The following BCOR variants were observed in gnomAD, a reference collection of about 807,000 sequenced individuals.
BCOR encodes the protein BCL-6 corepressor.
A neutral mutation model predicts 86.7 loss-of-function variants in BCOR; 10 were observed. The ratio of observed to expected loss-of-function variants is 0.12; its 90% confidence interval spans 0.07 to 0.20. The LOEUF (loss-of-function observed/expected upper bound fraction) is 0.20. Ranked by LOEUF, BCOR falls within the 10% of genes least tolerant of loss-of-function variation. The pLI, the probability that BCOR is intolerant of heterozygous loss-of-function variation, is 1.00. For synonymous variants in BCOR, 611 were observed against 609.0 expected, an observed-to-expected ratio of 1.00 and a Z score of -0.05; for missense variants, 1,259 against 1,452.1, an observed-to-expected ratio of 0.87 and a Z score of 2.16.
At chrX:40,087,968 T>C (rs905122958) in intron 1 of BCOR, among the ~76,000 whole-genome samples, 8 of 112,514 alleles carry the variant, frequency 7.1e-5, no homozygotes, top group Non-Finnish European at 1.1e-4. Context: ...ATTTATTCTT[T>C]CCTAAATGAC....
chrX:40,115,596 C>T (rs939166078), intron 1 of BCOR, among the ~76,000 whole-genome samples: 1 of 109,791 alleles, frequency 9.1e-6, no homozygotes, highest in Non-Finnish European at 1.9e-5. Context: ...GCCAACATGG[C>T]GTAAACCTCG....
chrX:40,161,510 T>G (rs1938421845), intron 1 of BCOR, among the ~76,000 whole-genome samples: 1 of 84,328 alleles, frequency 1.2e-5, no homozygotes, highest in South Asian at 6.2e-4. Context: ...TCTCCCCTTT[T>G]TTTTTTTTTT....
At chrX:40,154,509 G>A (rs1360526175) in intron 1 of BCOR, among the ~76,000 whole-genome samples, 1 of 110,212 alleles carries the variant, frequency 9.1e-6, no homozygotes, top group African/African-American at 3.3e-5. Context: ...GATCTCTCCC[G>A]AGAGAGGGAG....
intron 1 of BCOR, among the ~76,000 whole-genome samples, chrX:40,146,948 C>A (rs1278995910): frequency 1.8e-5 from 2 of 112,232 alleles, no homozygotes; most frequent in African/African-American, 6.5e-5. Flanking sequence ...GGAGTTGGAC[C>A]GTGTTTCCGC....
intron 1 of BCOR, among the ~76,000 whole-genome samples, chrX:40,115,740 G>A (rs1937383420): frequency 9.4e-6 from 1 of 106,265 alleles, no homozygotes; most frequent in African/African-American, 3.5e-5. Context: ...TCGCACCACT[G>A]CACTCCAGCC....
intron 1 of BCOR, among the ~76,000 whole-genome samples, chrX:40,117,282 G>A (rs1937410794): frequency 9.0e-6 from 1 of 111,105 alleles, no homozygotes; most frequent in South Asian, 3.8e-4. Context: ...GATCGCACTG[G>A]GCCATTCCTG....
chrX:40,079,188 G>C (rs934483720), intron 1 of BCOR, among the ~76,000 whole-genome samples: 6 of 111,661 alleles, frequency 5.4e-5, no homozygotes, highest in Middle Eastern at 4.7e-3. Context: ...ATCATCAGGG[G>C]AACTTTTTTC....
intron 1 of BCOR, among the ~76,000 whole-genome samples, chrX:40,136,495 C>T (rs193083567): frequency 5.4e-4 from 60 of 112,096 alleles, no homozygotes; most frequent in African/African-American, 1.7e-3. Context: ...CATAAAAGAA[C>T]ATTCCATCTC....
At chrX:40,087,831 T>G in intron 1 of BCOR, among the ~76,000 whole-genome samples, 1 of 112,252 alleles carries the variant, frequency 8.9e-6, no homozygotes, top group Non-Finnish European at 1.9e-5. Context: ...AATAAAATAA[T>G]AAATACAAAG....
intron 1 of BCOR, among the ~76,000 whole-genome samples, chrX:40,094,252 C>G (rs571478941): frequency 3.6e-4 from 41 of 112,548 alleles, no homozygotes; most frequent in South Asian, 1.8e-3. Flanking sequence ...GCCTCCCCCC[C>G]CTCCAGTCCT....
At chrX:40,153,280 G>A (rs1938302488) in intron 1 of BCOR, among the ~76,000 whole-genome samples, 2 of 112,778 alleles carry the variant, frequency 1.8e-5, no homozygotes, top group South Asian at 7.2e-4. Flanking sequence ...ACCTTGGGGT[G>A]CGCGAGGAAG....
At chrX:40,091,695 G>A (rs1936619561) in intron 1 of BCOR, among the ~76,000 whole-genome samples, 1 of 113,554 alleles carries the variant, frequency 8.8e-6, no homozygotes, top group Non-Finnish European at 1.9e-5. Flanking sequence ...AAGTGCGCGC[G>A]ACGAACGCGG....
At chrX:40,123,388 T>A (rs1400924104) in intron 1 of BCOR, among the ~76,000 whole-genome samples, 3 of 109,665 alleles carry the variant, frequency 2.7e-5, no homozygotes, top group Admixed American at 9.8e-5. Context: ...GTTTCACTCT[T>A]GTCACCCAGA....
rs767541422 is a variant in BCOR, at chrX:40,072,518, C to T, written c.2828G>A (p.Gly943Glu). ...VDVTPTYTKD[G>E]ADEAESNDGK... ...ATCATTTGATTCAGCCTCATCAGCT[C>T]CATCTTTGGTATAGGTGGGGGTCAC... The change falls in exon 4 of 15, where the codon GGA (glycine) becomes GAA (glutamate). Residue 943 changes from glycine (G) to glutamate (E), a missense_variant. Gly to Glu is a moderately conservative substitution (Grantham distance 98). Transcript: ENST00000378444. 12 of 1,210,451 alleles carry T rather than the reference C, an allele frequency of 9.9e-6. No individual in the cohort carries two copies.
chrX:40,149,046 C>G (rs1474650979), intron 1 of BCOR, among the ~76,000 whole-genome samples: 1 of 110,328 alleles, frequency 9.1e-6, no homozygotes, highest in Non-Finnish European at 1.9e-5. Flanking sequence ...AGCCCCTGCT[C>G]TTTCCACAAC....
At chrX:40,154,350 C>G (rs1308619524) in intron 1 of BCOR, among the ~76,000 whole-genome samples, 2 of 111,175 alleles carry the variant, frequency 1.8e-5, no homozygotes, top group Non-Finnish European at 3.8e-5. Flanking sequence ...GATGTGAGCG[C>G]TTGATGTGCC....
Position 40,153,124 on chromosome X carries a change from G to A in BCOR, c.-41+23883C>T, listed in dbSNP as rs943811255. 7.9e-5 allele frequency among the ~76,000 whole-genome samples: 9 copies of A among 113,427 alleles called. No homozygotes were observed. The South Asian group carries it at 2.5e-3, about 31-fold the overall frequency. ...CCGCGGAGCAGTCGGGGACGCCGCC[G>A]CAGGCTGGCCCGGAATCGCAGGACA... On this transcript the variant is annotated intron_variant, in intron 1 of 14. Coordinates refer to the BCOR transcript ENST00000342274.
chrX:40,085,215 A>G (rs894808393), intron 1 of BCOR, among the ~76,000 whole-genome samples: 6 of 112,870 alleles, frequency 5.3e-5, no homozygotes, highest in African/African-American at 1.9e-4. Flanking sequence ...CATATCGTTG[A>G]AAGAAAATTA....
Position 40,073,255 on chromosome X carries a change from G to C in BCOR, c.2091C>G (p.Ala697=). Residue 697 remains alanine, a synonymous_variant, in exon 4 of 15, where the codon GCC becomes GCG. Transcript: ENST00000378444. ...PNGSLFPGHL[A]PKPGLPYGLP... ...GCCCATAGGGCAGCCCAGGCTTTGG[G>C]GCAAGGTGCCCAGGAAACAGACTGC... is the stretch of plus-strand genomic sequence containing the variant. 8.3e-7 allele frequency: 1 copy of C among 1,211,813 alleles called. No individual in the cohort carries two copies.
Sources: gnomAD v4.1 joint callset for allele counts (sites outside exome capture counted in the v4.1 genomes callset) on GRCh38, gnomAD v4.1.1 for gene constraint, MANE v1.5 for transcripts, NCBI Gene and HGNC (gene_info 2026-07-23, HGNC 2026-07-21) for gene names.